FMR1NB: variants seen among roughly 807,000 people sequenced by gnomAD.
FMR1NB encodes FMR1 neighbor protein.
Under a neutral mutation model 16.8 loss-of-function variants are expected in FMR1NB, and 10 were observed. That is an observed-to-expected ratio of 0.60 (90% CI 0.37 to 1.01). The LOEUF (loss-of-function observed/expected upper bound fraction) is 1.01. FMR1NB is among the 50% of genes least tolerant of loss of function. The probability of loss-of-function intolerance (pLI) is 0.01; values close to 1 mark genes in which losing one functional copy is unlikely to be tolerated. For synonymous variants in FMR1NB, 83 were observed against 79.1 expected, an observed-to-expected ratio of 1.05 and a Z score of -0.26; for missense variants, 205 against 204.8, an observed-to-expected ratio of 1.00 and a Z score of 0.00.
intron 1 of FMR1NB, among the ~76,000 whole-genome samples, chrX:148,001,481 A>G (rs1191030469): frequency 8.9e-6 from 1 of 111,953 alleles, no homozygotes; most frequent in Non-Finnish European, 1.9e-5. Context: ...CAGATCAGTT[A>G]TTAAAACATA....
At chrX:148,001,000 G>T (rs376120845) in intron 1 of FMR1NB, among the ~76,000 whole-genome samples, 1 of 111,863 alleles carries the variant, frequency 8.9e-6, no homozygotes, top group African/African-American at 3.2e-5. Context: ...GAGAACTAAC[G>T]AGAGTTAACT....
chrX:147,999,446 A>G (rs1557188475), intron 1 of FMR1NB, among the ~76,000 whole-genome samples: 2 of 111,741 alleles, frequency 1.8e-5, no homozygotes, highest in African/African-American at 6.5e-5. Context: ...TGATCTGGCA[A>G]AATGTGCCTA....
intron 4 of FMR1NB, among the ~76,000 whole-genome samples, chrX:148,023,123 T>C (rs1258783022): frequency 9.0e-6 from 1 of 111,571 alleles, no homozygotes; most frequent in Non-Finnish European, 1.9e-5. Context: ...GGGAATGTCA[T>C]GTAGTATTCA....
Position 148,024,910 on chromosome X carries a change from G to A in FMR1NB, c.678G>A (p.Thr226=), listed in dbSNP as rs782575362. ...AAAGGCAGGACAACAGAGTTGTAAC[G>A]GGTTTGAAGAAACAAAGAAGGAAGC... ...DLQRQDNRVV[T]GLKKQRRKRK... Residue 226 remains threonine (T), a synonymous_variant, in exon 5 of 6, where the codon ACG becomes ACA. Transcript: ENST00000370467. The A allele has an allele frequency of 9.1e-6, 11 of 1,209,194 alleles. No individual in the cohort carries two copies. In the African/African-American group the frequency reaches 1.6e-4, roughly 17 times the overall value.
chrX:147,985,222 A>C (rs1557186969), intron 1 of FMR1NB, among the ~76,000 whole-genome samples: 1 of 111,794 alleles, frequency 8.9e-6, no homozygotes, highest in African/African-American at 3.3e-5. Context: ...GATTTTGAGA[A>C]CGATTGATGT....
At chrX:148,005,507 A>C (rs1049611366) in intron 2 of FMR1NB, among the ~76,000 whole-genome samples, 3 of 111,758 alleles carry the variant, frequency 2.7e-5, no homozygotes, top group Non-Finnish European at 5.6e-5. Context: ...TGAAGAACAG[A>C]TTACTTAGAA....
intron 4 of FMR1NB, among the ~76,000 whole-genome samples, chrX:148,018,920 A>G (rs1465857839): frequency 1.8e-5 from 2 of 111,383 alleles, no homozygotes; most frequent in Non-Finnish European, 3.8e-5. Context: ...TTCGCAACCT[A>G]CTCGTCTGAC....
rs1025299746 is a variant in FMR1NB at position 147,993,639 on chromosome X, A to C, written c.278-9562A>C. ...TCCCTTACTTCCCTTCTTTTACCTT[A>C]TATCATCCTCTCCCTCTCTAAGCTA... On this transcript the variant is annotated intron_variant, in intron 1 of 5. Coordinates refer to ENST00000370467, the MANE Select transcript of FMR1NB (RefSeq NM_152578.3). 3.7e-5 allele frequency among the ~76,000 whole-genome samples: 4 copies of C among 107,815 alleles called. No individual in the cohort carries two copies. The Admixed American group carries it at 4.0e-4, about 11-fold the overall frequency. 93.6% of individuals were successfully genotyped at this position (107,815 alleles called of 115,157 possible).
At chrX:148,023,220 T>C (rs2044687921) in intron 4 of FMR1NB, among the ~76,000 whole-genome samples, 1 of 111,612 alleles carries the variant, frequency 9.0e-6, no homozygotes, top group Admixed American at 9.6e-5. Flanking sequence ...AACTGTGTAG[T>C]TGTTTCAGTT....
At chrX:148,023,451 T>G (rs2124629875) in intron 4 of FMR1NB, among the ~76,000 whole-genome samples, 1 of 111,385 alleles carries the variant, frequency 9.0e-6, no homozygotes, top group East Asian at 2.8e-4. Context: ...AAGTTAGTAT[T>G]ATTTATCTTC....
chrX:148,022,054 A>G (rs1280954697), intron 4 of FMR1NB, among the ~76,000 whole-genome samples: 2 of 111,086 alleles, frequency 1.8e-5, no homozygotes, highest in African/African-American at 3.3e-5. Flanking sequence ...ATGTCCCACA[A>G]CTGTGTGGAT....
intron 4 of FMR1NB, among the ~76,000 whole-genome samples, chrX:148,009,136 TC>T (rs1557189418): frequency 9.0e-6 from 1 of 111,492 alleles, no homozygotes; most frequent in Admixed American, 9.5e-5. Flanking sequence ...TGAGCCAAGA[TC>T]CCACCACTGC....
chrX:147,995,716 T>A (rs2044538427), intron 1 of FMR1NB, among the ~76,000 whole-genome samples: 1 of 112,954 alleles, frequency 8.9e-6, no homozygotes, highest in African/African-American at 3.2e-5. Context: ...CTAGTTTCTG[T>A]ATCATTATAT....
chrX:147,994,785 G>C (rs912385802), intron 1 of FMR1NB, among the ~76,000 whole-genome samples: 1 of 112,043 alleles, frequency 8.9e-6, no homozygotes. Context: ...TACATTGTTA[G>C]ATTTCCCAGA....
chrX:147,991,501 C>G (rs1439789325), intron 1 of FMR1NB, among the ~76,000 whole-genome samples: 1 of 109,999 alleles, frequency 9.1e-6, no homozygotes, highest in Admixed American at 9.7e-5. Context: ...TCATGGTTAC[C>G]TTTCCTGCTT....
chrX:147,993,298 C>A (rs918221592), intron 1 of FMR1NB, among the ~76,000 whole-genome samples: 1 of 111,448 alleles, frequency 9.0e-6, no homozygotes, highest in African/African-American at 3.2e-5. Flanking sequence ...CGCAGGCATT[C>A]GGCAGACTGA....
At chrX:148,003,778 A>G in intron 2 of FMR1NB, among the ~76,000 whole-genome samples, 1 of 111,527 alleles carries the variant, frequency 9.0e-6, no homozygotes, top group South Asian at 3.8e-4. Context: ...CCCAGGTTTC[A>G]AGTCTCACTG....
At chrX:148,004,614 A>G (rs1697873508) in intron 2 of FMR1NB, among the ~76,000 whole-genome samples, 1 of 112,213 alleles carries the variant, frequency 8.9e-6, no homozygotes. Flanking sequence ...TAACCAATTT[A>G]TTTCTTCCCC....
intron 1 of FMR1NB, among the ~76,000 whole-genome samples, chrX:147,992,328 C>T (rs1475031051): frequency 6.5e-5 from 5 of 76,897 alleles, no homozygotes; most frequent in East Asian, 4.7e-4. Flanking sequence ...GGCGGCTGGC[C>T]GGGCAGGGGG....
Sources: gnomAD v4.1 joint callset for allele counts (sites outside exome capture counted in the v4.1 genomes callset) on GRCh38, gnomAD v4.1.1 for gene constraint, MANE v1.5 for transcripts, NCBI Gene and HGNC (gene_info 2026-07-23, HGNC 2026-07-21) for gene names.